NAV3: variants seen among roughly 807,000 people sequenced by gnomAD.
NAV3 encodes pore membrane and/or filament interacting like protein 1.
NAV3 carries 87 observed loss-of-function variants against 244.7 expected under a neutral mutation model. The observed-to-expected ratio is 0.36, with a 90% CI of 0.30 to 0.42. NAV3 has a LOEUF of 0.42. Ranked by LOEUF, NAV3 falls within the 20% of genes least tolerant of loss-of-function variation. NAV3 has a pLI of 1.00. For synonymous variants in NAV3, 1,126 were observed against 1,042.2 expected (o/e 1.08, Z -1.55); for missense variants, 2,663 against 2,893.3 (o/e 0.92, Z 1.83).
At chr12:78,199,094 C>G (rs1435813967) in intron 36 of NAV3, 1 of 604,864 alleles carries the variant, frequency 1.7e-6, no homozygotes, top group South Asian at 1.5e-5. Context: ...GACTCCCACT[C>G]ACTTCTGACG....
rs1355331475 is a variant in NAV3, at chr12:77,968,521, A to G, written c.490A>G (p.Ile164Val). 6.2e-7 allele frequency: 1 copy of G among 1,610,240 alleles called. No homozygotes were observed. The highest frequency in any genetic ancestry group is 8.5e-7 in the Non-Finnish European group (1 of 1,177,056). The change falls in exon 5 of 40, where the codon ATA becomes GTA. Residue 164 changes from isoleucine to valine, a missense_variant and splice_region_variant. Physicochemically the swap from Ile to Val is conservative, Grantham distance 29. Around this residue, in one of 6 missense-constraint regions of NAV3, gnomAD observed 1,521 missense variants for 1,497.0 expected, o/e 1.02. Coordinates refer to ENST00000397909, the MANE Select transcript of NAV3 (RefSeq NM_001024383.2). ...TTTGTATTTTTCATTTCATACAGAAATAAGAAATGGAAACTTAAAAGCCAT... is the reference window on the plus strand; with the variant it reads ...TTTGTATTTTTCATTTCATACAGAAGTAAGAAATGGAAACTTAAAAGCCAT... Reference protein sequence around the residue: ...VNVQGLSAEEIRNGNLKAILG... With the variant: ...VNVQGLSAEEVRNGNLKAILG...
chr12:77,707,435 G>A (rs1396034355), intron 2 of NAV3, among the ~76,000 whole-genome samples: 3 of 152,066 alleles, frequency 2.0e-5, no homozygotes, highest in Admixed American at 2.0e-4. Flanking sequence ...GTGTATATGT[G>A]CCACATTTTC....
chr12:78,145,118 A>T (rs925935612), intron 20 of NAV3: 8 of 266,868 alleles, frequency 3.0e-5, no homozygotes, highest in Non-Finnish European at 6.1e-5. Context: ...AAACCTTAAA[A>T]TTATTAGGAT....
chr12:77,908,724 A>G (rs2137016768), intron 1 of NAV3, among the ~76,000 whole-genome samples: 1 of 152,076 alleles, frequency 6.6e-6, no homozygotes, highest in South Asian at 2.1e-4. Flanking sequence ...CTGCTTTACT[A>G]TTTTCAATAT....
chr12:78,198,969 C>G, intron 36 of NAV3: 1 of 416,626 alleles, frequency 2.4e-6, no homozygotes, highest in South Asian at 2.7e-5. Flanking sequence ...GATGTTTTTT[C>G]TGTTCACTAT....
intron 39 of NAV3, 88 bp from the exon 40 acceptor site, chr12:78,210,310 T>G (rs1960773520): frequency 6.4e-6 from 10 of 1,570,932 alleles, no homozygotes; most frequent in Non-Finnish European, 8.6e-6. Context: ...ATAAGATAGC[T>G]CTTCGGTGTG....
intron 2 of NAV3, among the ~76,000 whole-genome samples, chr12:77,656,056 GCAGAATAAC>G (rs1466734981): frequency 6.6e-6 from 1 of 150,966 alleles, no homozygotes; most frequent in Admixed American, 6.6e-5. Context: ...CAACTAACGA[GCAGAATAAC>G]CAGCTTACAT....
intron 1 of NAV3, among the ~76,000 whole-genome samples, chr12:77,886,959 G>GT (rs1883365660): frequency 6.6e-6 from 1 of 152,012 alleles, no homozygotes; most frequent in South Asian, 2.1e-4. Context: ...TCTTTTCCAG[G>GT]TTAATGGGAC....
intron 2 of NAV3, among the ~76,000 whole-genome samples, chr12:77,742,896 C>T (rs552388112): frequency 6.6e-6 from 1 of 152,128 alleles, no homozygotes; most frequent in East Asian, 1.9e-4. Flanking sequence ...AGTGATCTCT[C>T]ATGGTTCTCA....
chr12:78,129,259 CTTAT>C (rs1167457952), intron 18 of NAV3, among the ~76,000 whole-genome samples: 3 of 152,104 alleles, frequency 2.0e-5, no homozygotes, highest in African/African-American at 4.8e-5. Context: ...AAGGCATCTC[CTTAT>C]TTATTTGTCT....
chr12:78,007,575 A>G (rs1451370114), intron 8 of NAV3, 130 bp downstream of exon 8: 1 of 995,020 alleles, frequency 1.0e-6, no homozygotes, highest in Non-Finnish European at 1.4e-6. Flanking sequence ...TGCTAAAGAT[A>G]GAGGCCTAGA....
chr12:77,669,311 G>A (rs1238156734), intron 2 of NAV3, among the ~76,000 whole-genome samples: 1 of 152,012 alleles, frequency 6.6e-6, no homozygotes, highest in African/African-American at 2.4e-5. Context: ...ACGTATTCAG[G>A]CAACAAATAG....
intron 20 of NAV3, chr12:78,145,244 A>G (rs1321928479): frequency 6.3e-6 from 1 of 157,870 alleles, no homozygotes; most frequent in Non-Finnish European, 1.4e-5. Flanking sequence ...TAGCCACTTT[A>G]TTATTTAGCC....
At chr12:77,895,905 A>G (rs778189699) in intron 1 of NAV3, among the ~76,000 whole-genome samples, 10 of 141,926 alleles carry the variant, frequency 7.0e-5, no homozygotes, top group Non-Finnish European at 1.4e-4. Context: ...ATCTAATTAT[A>G]TTCTAGCCTT....
rs554181033 is a variant in NAV3, at chr12:77,951,580, A to T, written c.414+10447A>T. Among the ~76,000 whole-genome samples the T allele has an allele frequency of 1.2e-4, 19 of 152,310 alleles. 2 individuals are homozygous for T. In the South Asian group the frequency reaches 3.5e-3, roughly 28 times the overall value. ...CATCCTGTTACTTGGTATATACCCA[A>T]AGGATTATAAATCATGCTGCTATAA... On this transcript the variant is annotated intron_variant, in intron 3 of 39. Transcript: ENST00000397909.
intron 2 of NAV3, among the ~76,000 whole-genome samples, chr12:77,720,828 A>G (rs1876588836): frequency 6.6e-6 from 1 of 152,106 alleles, no homozygotes; most frequent in South Asian, 2.1e-4. Flanking sequence ...GAGTGTGTCC[A>G]TGTACTATTG....
At chr12:77,670,093 T>C (rs1035498644) in intron 2 of NAV3, among the ~76,000 whole-genome samples, 4 of 152,022 alleles carry the variant, frequency 2.6e-5, no homozygotes, top group African/African-American at 9.7e-5. Context: ...ATAAGCTCAA[T>C]GGGAAACAAA....
chr12:77,917,811 T>G (rs983604115), intron 1 of NAV3, among the ~76,000 whole-genome samples: 2 of 152,034 alleles, frequency 1.3e-5, no homozygotes, highest in Non-Finnish European at 2.9e-5. Flanking sequence ...TTTCAGCCCA[T>G]AGCCCCAAAT....
chr12:78,070,056 T>G (rs1265632067), intron 12 of NAV3, among the ~76,000 whole-genome samples: 4 of 152,090 alleles, frequency 2.6e-5, no homozygotes, highest in Non-Finnish European at 5.9e-5. Flanking sequence ...AGTTCCTTAC[T>G]TTTTACAGAA....
Sources: allele counts gnomAD v4.1 joint callset (sites outside exome capture counted in the v4.1 genomes callset), GRCh38; gene constraint gnomAD v4.1.1; regional missense constraint gnomAD v4.1.1; transcripts MANE v1.5; gene names NCBI Gene and HGNC (gene_info 2026-07-23, HGNC 2026-07-21).